The following IKBIP variants were observed in gnomAD, a reference collection of about 807,000 sequenced individuals.
IKBIP encodes inhibitor of nuclear factor kappa-B kinase-interacting protein.
In IKBIP, 28 loss-of-function variants were observed where a neutral mutation model predicts 31.0. The observed-to-expected ratio is 0.90, with a 90% CI of 0.67 to 1.24. IKBIP has a LOEUF of 1.24. Among genes scored for constraint, IKBIP ranks in the 50% most tolerant of loss-of-function variants. The pLI, the probability that IKBIP is intolerant of heterozygous loss-of-function variation, is 0.00. For missense variants in IKBIP, 453 were observed against 441.9 expected (o/e 1.03, Z -0.23); for synonymous variants, 164 against 160.3 (o/e 1.02, Z -0.17).
At chr12:98,618,222 AC>A (rs1215541776) in intron 2 of IKBIP, among the ~76,000 whole-genome samples, 1 of 152,148 alleles carries the variant, frequency 6.6e-6, no homozygotes, top group African/African-American at 2.4e-5. Flanking sequence ...AAACAAATAG[AC>A]TGTAAAACAT....
At chr12:98,615,285 T>G (rs1393369356) in intron 2 of IKBIP, among the ~76,000 whole-genome samples, 1 of 152,078 alleles carries the variant, frequency 6.6e-6, no homozygotes, top group Non-Finnish European at 1.5e-5. Flanking sequence ...CAGGCTGGAA[T>G]GCAATAGCCC....
At chr12:98,627,299 C>A (rs964252554) in intron 2 of IKBIP, among the ~76,000 whole-genome samples, 1 of 151,014 alleles carries the variant, frequency 6.6e-6, no homozygotes, top group Non-Finnish European at 1.5e-5. Flanking sequence ...AAAAAATACA[C>A]CTGAACACAC....
chr12:98,619,864 C>A (rs1464319315), downstream of IKBIP, among the ~76,000 whole-genome samples: 1 of 138,444 alleles, frequency 7.2e-6, no homozygotes, highest in African/African-American at 2.7e-5. Context: ...AGAACCAGAC[C>A]CTTTCTCAGA....
In IKBIP at chr12:98,614,100, G is replaced by A. The variant is rs755400878; in HGVS notation, c.538C>T (p.Arg180Ter). 9 of 1,612,810 alleles carry A rather than the reference G, an allele frequency of 5.6e-6. No individual in the cohort carries two copies. The highest frequency in any genetic ancestry group is 3.3e-5 in the South Asian group (3 of 91,074). Residue 180 changes from arginine (R) to a stop codon, truncating the protein, a stop_gained, in exon 3 of 3, where the codon CGA (arginine) becomes TGA (stop). Transcript: ENST00000342502. LOFTEE classifies it high-confidence loss of function. The stretch of plus-strand genomic sequence containing the variant: ...TCAGTTACTAAACCTGAAATCCGTC[G>A]TATATCTGTTTTTACACTTGTAATC...
intron 2 of IKBIP, among the ~76,000 whole-genome samples, chr12:98,632,512 AATATATATATATATAT>A (rs71436924): frequency 0.097 from 2,218 of 22,842 alleles, 153 homozygotes; most frequent in Middle Eastern, 0.12. Flanking sequence ...AAAAAAAAAA[AATATATATATATATAT>A]ATATATATAT....
In IKBIP at chr12:98,643,409, T is replaced by A. The variant is rs1308237430; in HGVS notation, c.179+1114A>T. ...TAACAACAGTCTTACTAAATAACTTTACACATGAATGAAAAATGGAGAAAA... is the reference window on the plus strand; with the variant it reads ...TAACAACAGTCTTACTAAATAACTTAACACATGAATGAAAAATGGAGAAAA... On this transcript the variant is annotated intron_variant, in intron 1 of 2. Coordinates refer to ENST00000299157, the MANE Select transcript of IKBIP (RefSeq NM_153687.4). Among the ~76,000 whole-genome samples, 4 of 152,012 alleles carry A rather than the reference T, an allele frequency of 2.6e-5. No individual in the cohort carries two copies. The East Asian group carries it at 7.7e-4, about 29-fold the overall frequency.
rs377000418 is a variant in IKBIP, at chr12:98,626,965, TTTTA to T, written c.298-203_298-200del. 9.9e-5 allele frequency among the ~76,000 whole-genome samples: 15 copies of T among 152,206 alleles called. No individual in the cohort carries two copies. The South Asian group carries it at 1.5e-3, about 15-fold the overall frequency. On this transcript the variant is annotated intron_variant, in intron 2 of 2. Transcript: ENST00000299157. ...TCACAAATACGTTAACCCTGCATTG[TTTTA>T]TTTATTTATTTATTTTTTAGACGGA...
intron 2 of IKBIP, among the ~76,000 whole-genome samples, chr12:98,629,961 T>TG (rs908897713): frequency 6.6e-6 from 1 of 152,162 alleles, no homozygotes; most frequent in Non-Finnish European, 1.5e-5. Flanking sequence ...TTTGTAGAGA[T>TG]GGGGTCTCAC....
At chr12:98,614,010 T>A (rs2097604785) in exon 3 of IKBIP, 4 of 1,609,784 alleles carry the variant, frequency 2.5e-6, no homozygotes, top group African/African-American at 2.7e-5. Flanking sequence ...TTTTTTACTG[T>A]ATTTTTTTCT....
intron 1 of IKBIP, 94 bp downstream of exon 1, chr12:98,644,429 T>G (rs373031668): frequency 3.1e-5 from 39 of 1,255,492 alleles, no homozygotes; most frequent in Non-Finnish European, 4.0e-5. Context: ...GTCTGGGAGG[T>G]TGGATCACCT....
Position 98,624,384 on chromosome 12 carries a change from A to G in IKBIP, c.*1546T>C, listed in dbSNP as rs2097612376. On this transcript the variant is annotated 3_prime_UTR_variant, in exon 3 of 3. Coordinates refer to ENST00000299157, the MANE Select transcript of IKBIP (RefSeq NM_153687.4). Reference sequence around the variant, plus strand: ...GCAAAAATTAATGCTATGCCCCTTAATAACAGAACTCTCCAGGCTTATTTT... The same window carrying G: ...GCAAAAATTAATGCTATGCCCCTTAGTAACAGAACTCTCCAGGCTTATTTT... The G allele has an allele frequency of 1.0e-6, 1 of 985,304 alleles. No individual in the cohort carries two copies. Among genetic ancestry groups the G allele is most frequent in the Non-Finnish European group, 1.2e-6 (1 of 829,916 alleles). The allele number at this position is 985,304 out of a possible 1,614,324, so 61.0% of individuals were successfully genotyped here.
At chr12:98,627,279 TAA>T (rs11412272) in intron 2 of IKBIP, among the ~76,000 whole-genome samples, 22 of 142,848 alleles carry the variant, frequency 1.5e-4, no homozygotes, top group African/African-American at 3.1e-4. Context: ...AGCACTATGT[TAA>T]AAAAAAAAAA....
chr12:98,627,114 A>T (rs1310278263), intron 2 of IKBIP, among the ~76,000 whole-genome samples: 2 of 151,346 alleles, frequency 1.3e-5, no homozygotes, highest in African/African-American at 4.9e-5. Context: ...GATTACAGGT[A>T]CGCGCCACTA....
At chr12:98,615,201 A>G (rs1188278651) in intron 2 of IKBIP, among the ~76,000 whole-genome samples, 1 of 152,034 alleles carries the variant, frequency 6.6e-6, no homozygotes, top group Non-Finnish European at 1.5e-5. Flanking sequence ...TTTTTGTAGT[A>G]AGAATATTTA....
exon 3 of IKBIP, chr12:98,614,288 G>A (rs771428739): frequency 5.6e-6 from 9 of 1,600,346 alleles, no homozygotes; most frequent in Non-Finnish European, 7.7e-6. Context: ...CTTTAGATGA[G>A]CAATTATTTG....
At chr12:98,641,465 A>G (rs2097630370) in intron 1 of IKBIP, among the ~76,000 whole-genome samples, 1 of 152,222 alleles carries the variant, frequency 6.6e-6, no homozygotes. Context: ...CTTGCTTTTT[A>G]TCTGGAAAAT....
At chr12:98,614,937 T>G (rs1430470585) in intron 2 of IKBIP, among the ~76,000 whole-genome samples, 1 of 152,196 alleles carries the variant, frequency 6.6e-6, no homozygotes, top group Non-Finnish European at 1.5e-5. Context: ...AGTAATAAAA[T>G]GAGCTACATG....
Position 98,626,137 on chromosome 12 carries a change from A to G in IKBIP, c.927T>C (p.Asp309=). Residue 309 remains aspartate (D), a synonymous_variant, in exon 3 of 3, where the codon GAT becomes GAC. Coordinates refer to ENST00000299157, the MANE Select transcript of IKBIP (RefSeq NM_153687.4). ...TTTCAGACACTGCTTTCAGCATATC[A>G]TCTTCCATATTAAACATCTGCATAG... ...DLTMQMFNME[D]DMLKAVSEIM... The G allele has an allele frequency of 6.2e-7, 1 of 1,610,422 alleles. No individual in the cohort carries two copies. Among genetic ancestry groups the G allele is most frequent in the Non-Finnish European group, 8.5e-7 (1 of 1,177,580 alleles).
At chr12:98,631,020 C>A (rs1163159125) in intron 2 of IKBIP, among the ~76,000 whole-genome samples, 1 of 151,780 alleles carries the variant, frequency 6.6e-6, no homozygotes, top group Non-Finnish European at 1.5e-5. Context: ...ACAACCTCCA[C>A]CTCCCAGGTT....
Sources: allele counts gnomAD v4.1 joint callset (sites outside exome capture counted in the v4.1 genomes callset), GRCh38; gene constraint gnomAD v4.1.1; transcripts MANE v1.5; gene names NCBI Gene and HGNC (gene_info 2026-07-23, HGNC 2026-07-21).